CACNA1E: variants seen among roughly 807,000 people sequenced by gnomAD.
CACNA1E encodes the protein voltage-dependent R-type calcium channel subunit alpha-1E.
Under a neutral mutation model 259.2 loss-of-function variants are expected in CACNA1E, and 40 were observed. That is an observed-to-expected ratio of 0.15 (90% confidence interval 0.12 to 0.20). CACNA1E has a LOEUF of 0.20. CACNA1E is among the 10% of genes least tolerant of loss of function. CACNA1E has a pLI of 1.00. For missense variants in CACNA1E, 1,874 were observed against 3,040.1 expected (o/e 0.62, Z 9.02); for synonymous variants, 1,104 against 1,138.5 (o/e 0.97, Z 0.61).
intron 2 of CACNA1E, among the ~76,000 whole-genome samples, chr1:181,436,980 A>G (rs1429290371): frequency 6.6e-6 from 1 of 152,220 alleles, no homozygotes; most frequent in Non-Finnish European, 1.5e-5. Flanking sequence ...ATAAATATAT[A>G]CAATTATTAT....
At chr1:181,521,905 G>C (rs1381216353) in intron 3 of CACNA1E, among the ~76,000 whole-genome samples, 2 of 152,102 alleles carry the variant, frequency 1.3e-5, no homozygotes, top group Non-Finnish European at 2.9e-5. Flanking sequence ...CAAAAAGAAG[G>C]CTGGAGGGGA....
At position 181,771,300 on chromosome 1, in the gene CACNA1E, GA is replaced by G; in HGVS notation, c.4892del (p.Asn1631ThrfsTer2). On this transcript the variant is annotated frameshift_variant, in exon 36 of 48. Coordinates refer to ENST00000367573, the MANE Select transcript of CACNA1E (RefSeq NM_001205293.3). LOFTEE classifies it high-confidence loss of function. ...GTTGTTTCTCTCCTCAAGGTATTTG[GA>G]AACATAAAATTAGACGAGGAGAGTC... ...IYAIIGMQVF[G>X]NIKLDEESHI... The G allele has an allele frequency of 1.3e-6, 2 of 1,563,428 alleles. No individual in the cohort carries two copies. Among genetic ancestry groups the G allele is most frequent in the Non-Finnish European group, 1.7e-6 (2 of 1,144,624 alleles).
chr1:181,504,138 A>G (rs1204911819), intron 1 of CACNA1E, among the ~76,000 whole-genome samples: 1 of 152,176 alleles, frequency 6.6e-6, no homozygotes, highest in Admixed American at 6.5e-5. Context: ...AGGCTGTTAC[A>G]TCTCTTGGAT....
At chr1:181,374,823 G>C (rs986874318) in intron 1 of CACNA1E, among the ~76,000 whole-genome samples, 1 of 152,178 alleles carries the variant, frequency 6.6e-6, no homozygotes, top group East Asian at 1.9e-4. Context: ...ATGTTTAAAC[G>C]CCCCTTCTCT....
chr1:181,332,181 A>G (rs955799795), intron 1 of CACNA1E, among the ~76,000 whole-genome samples: 2 of 152,186 alleles, frequency 1.3e-5, no homozygotes, highest in African/African-American at 4.8e-5. Flanking sequence ...ACATGGACAC[A>G]TTGAGGGGAG....
intron 3 of CACNA1E, among the ~76,000 whole-genome samples, chr1:181,512,952 G>T (rs1185377494): frequency 6.6e-6 from 1 of 152,230 alleles, no homozygotes; most frequent in Non-Finnish European, 1.5e-5. Flanking sequence ...TGTATTAGAA[G>T]AGGCCTGTAT....
intron 36 of CACNA1E, 27 bp from the exon 37 acceptor site, chr1:181,772,039 G>A (rs1191200999): frequency 1.2e-6 from 2 of 1,609,454 alleles, no homozygotes; most frequent in East Asian, 2.2e-5. Flanking sequence ...AGCTGCTCCT[G>A]CTAACCAAAA....
chr1:181,666,412 C>T (rs2102168624), intron 7 of CACNA1E, among the ~76,000 whole-genome samples: 1 of 152,144 alleles, frequency 6.6e-6, no homozygotes, highest in Admixed American at 6.5e-5. Context: ...AGTCTAAGGA[C>T]ATATATTCTG....
intron 1 of CACNA1E, among the ~76,000 whole-genome samples, chr1:181,350,082 T>G (rs1652913526): frequency 6.6e-6 from 1 of 152,190 alleles, no homozygotes; most frequent in African/African-American, 2.4e-5. Context: ...TTGGAGCTGC[T>G]TGTGTTTATT....
chr1:181,434,023 A>G (rs749475968), intron 2 of CACNA1E, among the ~76,000 whole-genome samples: 1 of 152,172 alleles, frequency 6.6e-6, no homozygotes, highest in Non-Finnish European at 1.5e-5. Context: ...TTCCACGCTC[A>G]TTGGTCTAGG....
At chr1:181,348,378 C>T (rs1024387738) in intron 1 of CACNA1E, among the ~76,000 whole-genome samples, 4 of 152,216 alleles carry the variant, frequency 2.6e-5, no homozygotes, top group African/African-American at 9.6e-5. Flanking sequence ...TCTCACCTTT[C>T]CCTCCCCTTC....
At chr1:181,481,564 T>G (rs1038597941), upstream of CACNA1E, among the ~76,000 whole-genome samples, 6 of 152,252 alleles carry the variant, frequency 3.9e-5, no homozygotes, top group Admixed American at 2.0e-4. Context: ...GGTCAGTGTC[T>G]GTTTCCTTCC....
intron 25 of CACNA1E, among the ~76,000 whole-genome samples, chr1:181,749,836 G>A (rs1224884797): frequency 6.6e-6 from 1 of 152,162 alleles, no homozygotes; most frequent in East Asian, 1.9e-4. Context: ...TTTATCAAAA[G>A]GCAAACTTTG....
Position 181,495,139 on chromosome 1 carries a change from G to T in CACNA1E, c.266+11129G>T, listed in dbSNP as rs946550287. Among the ~76,000 whole-genome samples the T allele has an allele frequency of 3.3e-5, 5 of 152,082 alleles. 1 individual carries two copies. The highest frequency in any genetic ancestry group is 2.4e-5 in the African/African-American group (1 of 41,402). On this transcript the variant is annotated intron_variant, in intron 1 of 47. Coordinates refer to ENST00000367573, the MANE Select transcript of CACNA1E (RefSeq NM_001205293.3). ...CAGACAATATTTTATTTCTTTCTTAGACAATAAAAGTGTTGTGTCCTAGAT... is the reference window on the plus strand; with the variant it reads ...CAGACAATATTTTATTTCTTTCTTATACAATAAAAGTGTTGTGTCCTAGAT...
chr1:181,371,376 C>T (rs1407906466), intron 1 of CACNA1E, among the ~76,000 whole-genome samples: 1 of 152,172 alleles, frequency 6.6e-6, no homozygotes, highest in Non-Finnish European at 1.5e-5. Context: ...ATCCTCCCAC[C>T]TCAGCCTATG....
At chr1:181,352,625 G>A (rs2102676258) in intron 1 of CACNA1E, among the ~76,000 whole-genome samples, 1 of 152,292 alleles carries the variant, frequency 6.6e-6, no homozygotes, top group Non-Finnish European at 1.5e-5. Flanking sequence ...TCTGCCACTT[G>A]TTAGTGTCTA....
chr1:181,486,488 T>G (rs577819424), intron 1 of CACNA1E, among the ~76,000 whole-genome samples: 2 of 152,358 alleles, frequency 1.3e-5, no homozygotes, highest in African/African-American at 4.8e-5. Context: ...CTTCCTTTCC[T>G]TTCTAAACAA....
chr1:181,471,416 T>C (rs1662498823), intron 2 of CACNA1E, among the ~76,000 whole-genome samples: 1 of 152,230 alleles, frequency 6.6e-6, no homozygotes, highest in African/African-American at 2.4e-5. Context: ...GGGAAATGGT[T>C]GAAGCTAACC....
At chr1:181,643,880 C>T (rs1378855619) in intron 6 of CACNA1E, among the ~76,000 whole-genome samples, 1 of 152,164 alleles carries the variant, frequency 6.6e-6, no homozygotes, top group Non-Finnish European at 1.5e-5. Context: ...CTCATAACGG[C>T]CCCTGGCTAA....
Sources: gnomAD v4.1 joint callset for allele counts (sites outside exome capture counted in the v4.1 genomes callset) on GRCh38, gnomAD v4.1.1 for gene constraint, MANE v1.5 for transcripts, NCBI Gene and HGNC (gene_info 2026-07-23, HGNC 2026-07-21) for gene names.